The following VWA5A variants were observed in gnomAD, a reference collection of about 807,000 sequenced individuals.
The protein encoded by VWA5A is von Willebrand factor A domain-containing protein 5A.
VWA5A carries 77 observed loss-of-function variants against 84.6 expected under a neutral mutation model. The observed-to-expected ratio is 0.91, with a 90% confidence interval of 0.76 to 1.10. The LOEUF (loss-of-function observed/expected upper bound fraction) is 1.10, where lower values mean the gene tolerates loss of function less well. Ranked by LOEUF, VWA5A falls within the 50% of genes least tolerant of loss-of-function variation. The pLI, the probability that VWA5A is intolerant of heterozygous loss-of-function variation, is 0.00. For missense variants in VWA5A, 973 were observed against 963.0 expected (o/e 1.01, Z -0.14); for synonymous variants, 334 against 350.1 (o/e 0.95, Z 0.51).
At chr11:124,138,152 T>C (rs1860653082) in intron 15 of VWA5A, among the ~76,000 whole-genome samples, 1 of 152,266 alleles carries the variant, frequency 6.6e-6, no homozygotes, top group South Asian at 2.1e-4. Flanking sequence ...TTTGTTCTTT[T>C]TTATGGCTGA....
chr11:124,130,122 T>C (rs749028513), intron 11 of VWA5A, among the ~76,000 whole-genome samples: 22 of 152,244 alleles, frequency 1.4e-4, no homozygotes, highest in Non-Finnish European at 2.6e-4. Flanking sequence ...CATTTAGTGC[T>C]ATAAATTTCC....
intron 9 of VWA5A, 92 bp downstream of exon 9, chr11:124,123,546 G>T (rs1864967275): frequency 2.5e-6 from 4 of 1,605,008 alleles, no homozygotes; most frequent in Admixed American, 3.3e-5. Flanking sequence ...GTTGACTTTG[G>T]CATTGGGGGT....
chr11:124,130,907 T>A (rs1865087117), intron 11 of VWA5A, among the ~76,000 whole-genome samples: 1 of 152,136 alleles, frequency 6.6e-6, no homozygotes, highest in Admixed American at 6.5e-5. Flanking sequence ...CAAATGTTTT[T>A]AAAAAATTCT....
Position 124,141,710 on chromosome 11 carries a change from G to T in VWA5A, c.1992G>T (p.Gly664=). The T allele has an allele frequency of 1.9e-6, 3 of 1,614,170 alleles. No homozygotes were observed. Among genetic ancestry groups the T allele is most frequent in the South Asian group, 1.1e-5 (1 of 91,078 alleles). The change falls in exon 16 of 19, where the codon GGG becomes GGT. Residue 664 remains glycine, a synonymous_variant. Coordinates refer to ENST00000456829, the MANE Select transcript of VWA5A (RefSeq NM_001130142.2). ...TFQMDDYSLC[G]LISHKDQHSP... is the part of the protein sequence containing the mutation. ...AGATGGACGATTACAGTCTCTGTGG[G>T]TTGATAAGTCACAAGGACCAGCACA...
intron 11 of VWA5A, among the ~76,000 whole-genome samples, chr11:124,126,541 A>G (rs1244852217): frequency 6.6e-6 from 1 of 152,188 alleles, no homozygotes; most frequent in Non-Finnish European, 1.5e-5. Context: ...CAGGCAGACC[A>G]CGAGGTCAGG....
chr11:124,118,716 A>C lies in VWA5A; in HGVS notation c.645+8A>C. On this transcript the variant is annotated splice_region_variant and intron_variant, in intron 6 of 18. Coordinates refer to ENST00000456829, the MANE Select transcript of VWA5A (RefSeq NM_001130142.2). ...GACAAGACTTCTGCTCAGGTAGTTA[A>C]TGAGAGAATACTGCTATTGTCAGTA... 6.2e-7 allele frequency: 1 copy of C among 1,611,206 alleles called. No individual in the cohort carries two copies. Among genetic ancestry groups the C allele is most frequent in the Non-Finnish European group, 8.5e-7 (1 of 1,178,470 alleles).
At chr11:124,126,627 G>A (rs183563804) in intron 11 of VWA5A, among the ~76,000 whole-genome samples, 521 of 152,180 alleles carry the variant, frequency 3.4e-3, no homozygotes, top group African/African-American at 0.012. Context: ...GGGCATGGTA[G>A]TGTGTGCCTG....
intron 11 of VWA5A, among the ~76,000 whole-genome samples, chr11:124,125,098 G>A (rs1028287336): frequency 6.6e-6 from 1 of 152,082 alleles, no homozygotes; most frequent in African/African-American, 2.4e-5. Flanking sequence ...ATTTATATAC[G>A]TAGATTTTTC....
At position 124,145,917 on chromosome 11, in the gene VWA5A, C is replaced by A. The variant is rs1478023730; in HGVS notation, c.2333C>A (p.Ser778Tyr). ...GCTGCTATTACTTTCCTGAAGTCAT[C>A]TGTGGATCCTGCTATCTTTGCCTTT... ...VKAAITFLKS[S>Y]VDPAIFAF The change falls in exon 19 of 19, where the codon TCT becomes TAT. Residue 778 changes from serine to tyrosine, a missense_variant. Ser to Tyr is a moderately radical substitution (Grantham distance 144). Transcript: ENST00000456829. 1.6e-5 allele frequency: 25 copies of A among 1,587,810 alleles called. No individual in the cohort carries two copies. The highest frequency in any genetic ancestry group is 2.0e-5 in the Non-Finnish European group (23 of 1,163,246).
At chr11:124,135,970 A>C (rs909201229) in intron 12 of VWA5A, among the ~76,000 whole-genome samples, 159 bp from the exon 13 acceptor site, 3 of 152,208 alleles carry the variant, frequency 2.0e-5, no homozygotes, top group Non-Finnish European at 4.4e-5. Context: ...ATTCATATGC[A>C]AAGCTTCTTC....
At chr11:124,126,757 T>TC in intron 11 of VWA5A, among the ~76,000 whole-genome samples, 1 of 151,890 alleles carries the variant, frequency 6.6e-6, no homozygotes, top group South Asian at 2.1e-4. Context: ...AGAATCCTTC[T>TC]TGAAAAAAAA....
At chr11:124,116,423 G>T (rs1284143055) in intron 1 of VWA5A, 143 bp from the exon 2 acceptor site, 1 of 152,284 alleles carries the variant, frequency 6.6e-6, no homozygotes, top group Non-Finnish European at 1.5e-5. Flanking sequence ...GGTGCCCTTT[G>T]CGTCTCTCTC....
At chr11:124,141,814 G>T in intron 16 of VWA5A, 73 bp downstream of exon 16, 2 of 1,544,570 alleles carry the variant, frequency 1.3e-6, no homozygotes, top group East Asian at 2.3e-5. Context: ...CAAGCTAAAA[G>T]CTTGTAGTTA....
rs145346771 is a variant in VWA5A, at chr11:124,123,702, G to A, written c.1062G>A (p.Leu354=). 1,776 of 1,613,832 alleles carry A rather than the reference G, an allele frequency of 1.1e-3. 37 individuals carry two copies. Among genetic ancestry groups the A allele is most frequent in the Non-Finnish European group, 2.1e-4 (252 of 1,180,004 alleles). Residue 354 remains leucine, a synonymous_variant, in exon 10 of 19, where the codon CTG becomes CTA. Transcript: ENST00000456829. Reference sequence around the variant, plus strand: ...CTCAGCAAACAATGGAGGAGGCTCTGGGGAGAGTGAAGCTTATGCAGGCCG... The same window carrying A: ...CTCAGCAAACAATGGAGGAGGCTCTAGGGAGAGTGAAGCTTATGCAGGCCG... ...KYTQQTMEEA[L]GRVKLMQADL...
At chr11:124,138,339 C>G (rs1054468771) in intron 15 of VWA5A, among the ~76,000 whole-genome samples, 2 of 151,986 alleles carry the variant, frequency 1.3e-5, no homozygotes, top group Non-Finnish European at 2.9e-5. Context: ...CATATAGTAC[C>G]TCCATTTTTA....
rs1432873763 is a variant in VWA5A at position 124,136,745 on chromosome 11, C to CTTCA, written c.1625+75_1625+78dup. ...CCTTCCTTCCTTCCTTCCTTCCTTC[C>CTTCA]TTCATTCCCTCCCTCCCTCCCTCCC... On this transcript the variant is annotated intron_variant, in intron 14 of 18. Transcript: ENST00000456829. 2.1e-5 allele frequency: 22 copies of CTTCA among 1,027,928 alleles called. No individual in the cohort carries two copies. In the South Asian group the frequency reaches 2.3e-4, roughly 11 times the overall value. 63.7% of individuals were successfully genotyped at this position (1,027,928 alleles called of 1,614,324 possible).
intron 11 of VWA5A, among the ~76,000 whole-genome samples, chr11:124,130,585 GT>G (rs1865081848): frequency 6.6e-6 from 1 of 152,104 alleles, no homozygotes; most frequent in Non-Finnish European, 1.5e-5. Flanking sequence ...GGGTGTTAAA[GT>G]CTCCCACTAT....
Position 124,137,272 on chromosome 11 carries a change from A to G in VWA5A, c.1879+4A>G. The G allele has an allele frequency of 1.2e-6, 2 of 1,613,838 alleles. No homozygotes were observed. The highest frequency in any genetic ancestry group is 1.7e-6 in the Non-Finnish European group (2 of 1,179,886). On this transcript the variant is annotated splice_donor_region_variant and intron_variant, in intron 15 of 18. Transcript: ENST00000456829. ...TTGAAGATAAAATGCCAATCAGGTA[A>G]TGAGTTTTATTCCATTCAAACTCAT... is the stretch of plus-strand genomic sequence containing the variant.
At chr11:124,141,198 T>C (rs1860721855) in intron 15 of VWA5A, among the ~76,000 whole-genome samples, 1 of 152,182 alleles carries the variant, frequency 6.6e-6, no homozygotes, top group Non-Finnish European at 1.5e-5. Flanking sequence ...ATGATCTGGA[T>C]GCAGCATCAG....
Sources: gnomAD v4.1 joint callset for allele counts (sites outside exome capture counted in the v4.1 genomes callset) on GRCh38, gnomAD v4.1.1 for gene constraint, MANE v1.5 for transcripts, NCBI Gene and HGNC (gene_info 2026-07-23, HGNC 2026-07-21) for gene names.